Variants in EEF2K observed in about 807,000 individuals in gnomAD.
The protein encoded by EEF2K is alternative protein EEF2K.
In EEF2K, 70 loss-of-function variants were observed where a neutral mutation model predicts 93.8. The ratio of observed to expected loss-of-function variants is 0.75; its 90% CI spans 0.62 to 0.91. The LOEUF (loss-of-function observed/expected upper bound fraction) is 0.91, where lower values mean the gene tolerates loss of function less well. Among genes scored for constraint, EEF2K ranks in the 40% least tolerant of loss-of-function variants. EEF2K has a pLI of 0.00. For synonymous variants in EEF2K, 376 were observed against 380.8 expected, an observed-to-expected ratio of 0.99 and a Z score of 0.15; for missense variants, 935 against 972.9, an observed-to-expected ratio of 0.96 and a Z score of 0.52.
intron 2 of EEF2K, among the ~76,000 whole-genome samples, chr16:22,242,927 GAAAATTA>G (rs2047238542): frequency 6.6e-6 from 1 of 151,840 alleles, no homozygotes; most frequent in Non-Finnish European, 1.5e-5. Flanking sequence ...TGTCCCTACA[GAAAATTA>G]AAAAATTAAC....
Position 22,234,877 on chromosome 16 carries a change from CTTTTTTTTTTT to C in EEF2K, c.246+8914_246+8924del, listed in dbSNP as rs1173052779. On this transcript the variant is annotated intron_variant, in intron 2 of 17. Coordinates refer to ENST00000263026, the MANE Select transcript of EEF2K (RefSeq NM_013302.5). The stretch of plus-strand genomic sequence containing the variant: ...TTGCTAAGCATAATGTTTTTTGTTG[CTTTTTTTTTTT>C]TTTTTTTTTTTAGGGGCGGTTTCAC... 4.4e-5 allele frequency among the ~76,000 whole-genome samples: 4 copies of C among 90,628 alleles called. No individual in the cohort carries two copies. The Admixed American group carries it at 5.4e-4, about 12-fold the overall frequency. 59.5% of individuals were successfully genotyped at this position (90,628 alleles called of 152,430 possible).
chr16:22,274,828 C>T (rs1426630738), intron 16 of EEF2K, among the ~76,000 whole-genome samples: 1 of 152,098 alleles, frequency 6.6e-6, no homozygotes, highest in South Asian at 2.1e-4. Context: ...AGACTGGTCT[C>T]GAACTCCTGG....
chr16:22,266,653 A>G lies in EEF2K; in HGVS notation c.1576-35A>G, dbSNP rs1260581871. ...GTCTTGGGTGCGGCTTTGGCCCGCC[A>G]GACAGCCAGGCCGACACCGTAGTCT... On this transcript the variant is annotated intron_variant, in intron 14 of 17. Transcript: ENST00000263026. The G allele has an allele frequency of 2.5e-6, 4 of 1,587,914 alleles. No homozygotes were observed. The African/African-American group carries it at 5.4e-5, about 21-fold the overall frequency.
intron 2 of EEF2K, among the ~76,000 whole-genome samples, chr16:22,230,106 C>T (rs2047100831): frequency 6.6e-6 from 1 of 152,150 alleles, no homozygotes; most frequent in Non-Finnish European, 1.5e-5. Flanking sequence ...AAATGAACAC[C>T]CACCCCGAGG....
chr16:22,271,198 G>T (rs2047578502), intron 15 of EEF2K, among the ~76,000 whole-genome samples: 1 of 151,724 alleles, frequency 6.6e-6, no homozygotes, highest in Admixed American at 6.6e-5. Context: ...TCGAACTACT[G>T]ACCTCAGGTG....
chr16:22,223,226 C>T (rs1285440252), intron 1 of EEF2K, among the ~76,000 whole-genome samples: 4 of 149,244 alleles, frequency 2.7e-5, no homozygotes, highest in Non-Finnish European at 5.9e-5. Flanking sequence ...CATACGGTAA[C>T]TCAGTGTTTA....
In EEF2K at chr16:22,225,929, A is replaced by G; in HGVS notation, c.200A>G (p.Glu67Gly). ...TACTACAGCAACCTAACAAAAAGTG[A>G]GCGGTATAGCTCCAGCGGGTCCCCG... ...NKYYSNLTKS[E>G]RYSSSGSPAN... The change falls in exon 2 of 18, where the codon GAG becomes GGG. Residue 67 changes from glutamate (E) to glycine (G), a missense_variant. Coordinates refer to ENST00000263026, the MANE Select transcript of EEF2K (RefSeq NM_013302.5). 1 of 1,614,176 alleles carries G rather than the reference A, an allele frequency of 6.2e-7. No individual in the cohort carries two copies. The highest frequency in any genetic ancestry group is 8.5e-7 in the Non-Finnish European group (1 of 1,180,030).
intron 1 of EEF2K, among the ~76,000 whole-genome samples, chr16:22,215,123 C>G (rs1036192005): frequency 6.6e-6 from 1 of 152,114 alleles, no homozygotes; most frequent in Non-Finnish European, 1.5e-5. Context: ...GAGGACTTGG[C>G]CAGCACCAGC....
Position 22,225,802 on chromosome 16 carries a change from G to C in EEF2K, c.73G>C (p.Gly25Arg). ...GGQSPRAGHD[G>R]DSDGDSDDEE... ...CCAGTCCCCCCGAGCTGGCCATGAT[G>C]GTGATTCTGATGGGGACAGCGACGA... is the stretch of plus-strand genomic sequence containing the variant. Residue 25 changes from glycine (G) to arginine (R), a missense_variant, in exon 2 of 18, where the codon GGT (glycine) becomes CGT (arginine). Coordinates refer to ENST00000263026, the MANE Select transcript of EEF2K (RefSeq NM_013302.5). 6.2e-7 allele frequency: 1 copy of C among 1,614,232 alleles called. No individual in the cohort carries two copies. The highest frequency in any genetic ancestry group is 8.5e-7 in the Non-Finnish European group (1 of 1,180,046).
Position 22,257,680 on chromosome 16 carries a change from C to T in EEF2K, c.939C>T (p.Ala313=). ...RGMALFFYSH[A]CNRICESMGL... Reference sequence around the variant, plus strand: ...TGGCGCTCTTCTTCTACTCTCATGCCTGCAACCGGATTTGCGAGAGCATGG... The same window carrying T: ...TGGCGCTCTTCTTCTACTCTCATGCTTGCAACCGGATTTGCGAGAGCATGG... The change falls in exon 9 of 18, where the codon GCC becomes GCT. Residue 313 remains alanine, a synonymous_variant. Coordinates refer to ENST00000263026, the MANE Select transcript of EEF2K (RefSeq NM_013302.5). The T allele has an allele frequency of 1.9e-6, 3 of 1,613,998 alleles. No individual in the cohort carries two copies. Among genetic ancestry groups the T allele is most frequent in the Non-Finnish European group, 2.5e-6 (3 of 1,180,048 alleles).
At chr16:22,223,847 T>C (rs1231733256) in intron 1 of EEF2K, among the ~76,000 whole-genome samples, 1 of 152,082 alleles carries the variant, frequency 6.6e-6, no homozygotes, top group East Asian at 1.9e-4. Flanking sequence ...ATCTGTATAA[T>C]GAGCTTCTAT....
Position 22,257,790 on chromosome 16 carries a change from C to A in EEF2K, c.1029+20C>A. The stretch of plus-strand genomic sequence containing the variant: ...CTGCTGGTGGGTGCCCAGTGTGACC[C>A]TGCTTGGCCTGGCAGGCCCTTCTGC... On this transcript the variant is annotated intron_variant, in intron 9 of 17. Coordinates refer to ENST00000263026, the MANE Select transcript of EEF2K (RefSeq NM_013302.5). 1 of 1,610,914 alleles carries A rather than the reference C, an allele frequency of 6.2e-7. No individual in the cohort carries two copies.
rs187561472 is a variant in EEF2K at position 22,228,053 on chromosome 16, G to A, written c.246+2078G>A. ...TTTTGAGATGGAGTCTCACTCTGTC[G>A]CCCAGGCTGGAGTGCAGTGGCACAA... On this transcript the variant is annotated intron_variant, in intron 2 of 17. Transcript: ENST00000263026. 4.7e-4 allele frequency among the ~76,000 whole-genome samples: 53 copies of A among 112,968 alleles called. No individual in the cohort carries two copies. The East Asian group carries it at 0.01, about 22-fold the overall frequency. The allele number at this position is 112,968 out of a possible 152,430, so 74.1% of individuals were successfully genotyped here.
At chr16:22,251,386 G>T in intron 6 of EEF2K, 64 bp downstream of exon 6, 2 of 1,546,358 alleles carry the variant, frequency 1.3e-6, no homozygotes, top group South Asian at 2.4e-5. Context: ...GTCTGGGAAA[G>T]AGGGCCATGG....
At chr16:22,217,214 TATAG>T (rs199518061) in intron 1 of EEF2K, among the ~76,000 whole-genome samples, 16 of 133,434 alleles carry the variant, frequency 1.2e-4, no homozygotes, top group South Asian at 9.8e-4. Flanking sequence ...TAGTGATATA[TATAG>T]ATAGATAGAT....
In EEF2K at chr16:22,266,958, T is replaced by C. The variant is rs8057963; in HGVS notation, c.1764+82T>C. The C allele has an allele frequency of 0.014, 20,514 of 1,483,426 alleles. 2,296 individuals are homozygous for C. In the African/African-American group the frequency reaches 0.25, roughly 18 times the overall value. The allele number at this position is 1,483,426 out of a possible 1,614,324, so 91.9% of individuals were successfully genotyped here. A position where few individuals can be genotyped will look rare whatever the true frequency, so the allele number is the denominator to read the frequency against. ...GTTCACCTGCCTCCCATCCTGGAAG[T>C]CATGCATTCACCTGCCTTCTATCCT... On this transcript the variant is annotated intron_variant, in intron 15 of 17. Transcript: ENST00000263026.
At chr16:22,255,141 T>C (rs1176364291) in intron 6 of EEF2K, among the ~76,000 whole-genome samples, 1 of 152,196 alleles carries the variant, frequency 6.6e-6, no homozygotes, top group African/African-American at 2.4e-5. Flanking sequence ...AGACTGAGCC[T>C]GAGACCCTCT....
intron 6 of EEF2K, among the ~76,000 whole-genome samples, chr16:22,252,894 A>G (rs536285486): frequency 6.6e-5 from 10 of 152,284 alleles, no homozygotes; most frequent in African/African-American, 1.9e-4. Flanking sequence ...CTTATTCACT[A>G]TCATGAGAAC....
chr16:22,211,474 C>CG (rs1227100767), intron 1 of EEF2K, among the ~76,000 whole-genome samples: 7 of 151,932 alleles, frequency 4.6e-5, no homozygotes, highest in Admixed American at 2.0e-4. Context: ...GGTCTGGGGG[C>CG]GGGGGGATAG....
Sources: gnomAD v4.1 joint callset for allele counts (sites outside exome capture counted in the v4.1 genomes callset) on GRCh38, gnomAD v4.1.1 for gene constraint, MANE v1.5 for transcripts, NCBI Gene and HGNC (gene_info 2026-07-23, HGNC 2026-07-21) for gene names.